The following CAMK2A variants were observed in gnomAD, a reference collection of about 807,000 sequenced individuals.
The protein encoded by CAMK2A is calcium/calmodulin dependent protein kinase II alpha, also known as calcium/calmodulin-dependent protein kinase type II subunit alpha.
CAMK2A carries 7 observed loss-of-function variants against 79.2 expected under a neutral mutation model. The ratio of observed to expected loss-of-function variants is 0.09; its 90% CI spans 0.05 to 0.17. The LOEUF (loss-of-function observed/expected upper bound fraction) is 0.17. Ranked by LOEUF, CAMK2A falls within the 10% of genes least tolerant of loss-of-function variation. The pLI, the probability that CAMK2A is intolerant of heterozygous loss-of-function variation, is 1.00. For synonymous variants in CAMK2A, 242 were observed against 251.7 expected (o/e 0.96, Z 0.36); for missense variants, 214 against 646.4 (o/e 0.33, Z 7.25).
intron 2 of CAMK2A, among the ~76,000 whole-genome samples, chr5:150,268,157 G>GCA (rs1562187503): frequency 7.9e-5 from 12 of 152,110 alleles, no homozygotes; most frequent in Admixed American, 5.2e-4. Context: ...GGATTACCGT[G>GCA]CCCGGACCCA....
At chr5:150,289,840 C>A, upstream of CAMK2A, 1 of 542,836 alleles carries the variant, frequency 1.8e-6, no homozygotes, top group Non-Finnish European at 3.3e-6. Context: ...CCATGGCAAC[C>A]ACCTCCAAAA....
chr5:150,270,219 G>A (rs1282269725), intron 2 of CAMK2A, among the ~76,000 whole-genome samples: 1 of 152,188 alleles, frequency 6.6e-6, no homozygotes, highest in African/African-American at 2.4e-5. Context: ...TTTTAATGCA[G>A]GGGCTTGGGC....
intron 13 of CAMK2A, 134 bp downstream of exon 13, chr5:150,245,027 G>T: frequency 1.2e-6 from 1 of 838,602 alleles, no homozygotes; most frequent in South Asian, 1.7e-5. Context: ...GAGACAGCCT[G>T]GCCACAAATG....
chr5:150,285,583 G>A (rs1029256760), intron 1 of CAMK2A, among the ~76,000 whole-genome samples: 1 of 152,202 alleles, frequency 6.6e-6, no homozygotes, highest in Non-Finnish European at 1.5e-5. Context: ...ACTGCCACCT[G>A]TGGATCAACC....
chr5:150,265,283 G>A (rs951924068), intron 2 of CAMK2A: 9 of 453,712 alleles, frequency 2.0e-5, no homozygotes, highest in African/African-American at 8.0e-5. Flanking sequence ...AGGCTTCTCC[G>A]AGACTCCTCC....
intron 1 of CAMK2A, among the ~76,000 whole-genome samples, chr5:150,280,442 C>T (rs1351506090): frequency 6.6e-6 from 1 of 152,184 alleles, no homozygotes; most frequent in African/African-American, 2.4e-5. Flanking sequence ...AACCGAGAAC[C>T]TTTCTCTCGA....
intron 17 of CAMK2A, 33 bp downstream of exon 17, chr5:150,228,159 C>T (rs373861512): frequency 9.0e-6 from 14 of 1,554,784 alleles, no homozygotes; most frequent in African/African-American, 1.4e-5. Flanking sequence ...CGAGAGCAGA[C>T]AACAGGCACC....
chr5:150,285,827 G>T (rs1460658190), intron 1 of CAMK2A, among the ~76,000 whole-genome samples: 1 of 152,150 alleles, frequency 6.6e-6, no homozygotes, highest in South Asian at 2.1e-4. Context: ...ATACAGCCCA[G>T]TGATGACACA....
At chr5:150,282,541 G>A (rs1334584843) in intron 1 of CAMK2A, among the ~76,000 whole-genome samples, 1 of 152,220 alleles carries the variant, frequency 6.6e-6, no homozygotes, top group African/African-American at 2.4e-5. Context: ...GCGTCAAAGA[G>A]AGAGAGGCCT....
chr5:150,234,033 G>C (rs375481332), intron 15 of CAMK2A, among the ~76,000 whole-genome samples: 2 of 152,124 alleles, frequency 1.3e-5, no homozygotes, highest in Admixed American at 1.3e-4. Flanking sequence ...GGCTGGTCAC[G>C]AGCTCCTGGC....
intron 3 of CAMK2A, among the ~76,000 whole-genome samples, chr5:150,264,444 C>G (rs1007854084): frequency 6.6e-6 from 1 of 152,246 alleles, no homozygotes; most frequent in African/African-American, 2.4e-5. Flanking sequence ...AGCCCATCCC[C>G]ACGGGTTCTG....
chr5:150,255,400 A>G (rs1174637554), intron 6 of CAMK2A, among the ~76,000 whole-genome samples: 2 of 152,258 alleles, frequency 1.3e-5, no homozygotes, highest in African/African-American at 4.8e-5. Context: ...GACCCAGACC[A>G]GTGGAAGCAT....
intron 2 of CAMK2A, among the ~76,000 whole-genome samples, chr5:150,267,982 T>A (rs1310909417): frequency 6.6e-6 from 1 of 151,740 alleles, no homozygotes; most frequent in Non-Finnish European, 1.5e-5. Context: ...TAAGCAATTC[T>A]CCTGCCTCAG....
chr5:150,253,404 G>T, intron 7 of CAMK2A, 40 bp downstream of exon 7: 2 of 1,490,602 alleles, frequency 1.3e-6, no homozygotes, highest in Non-Finnish European at 1.9e-6. Context: ...ACACAAATGG[G>T]TGCTGACCCC....
intron 1 of CAMK2A, among the ~76,000 whole-genome samples, chr5:150,273,412 C>T (rs1380382548): frequency 6.6e-6 from 1 of 152,180 alleles, no homozygotes; most frequent in African/African-American, 2.4e-5. Flanking sequence ...CAAAGTCGGG[C>T]TCATCATGCT....
chr5:150,256,238 T>C lies in CAMK2A; in HGVS notation c.411+335A>G, dbSNP rs962681238. Reference sequence around the variant, plus strand: ...GAAGGTCATGCTACTAAAGGCTGCATGGCTGGAAAGTGGCCTGGTTGAGAT... The same window carrying C: ...GAAGGTCATGCTACTAAAGGCTGCACGGCTGGAAAGTGGCCTGGTTGAGAT... On this transcript the variant is annotated intron_variant, in intron 6 of 18. Transcript: ENST00000671881. This position sits in a 1 kb window ranked among gnomAD's most constrained non-coding sequence, Gnocchi z 4.6. 2.0e-5 allele frequency among the ~76,000 whole-genome samples: 3 copies of C among 152,200 alleles called. No homozygotes were observed. Among genetic ancestry groups the C allele is most frequent in the African/African-American group, 4.8e-5 (2 of 41,444 alleles).
chr5:150,274,919 G>A (rs7349829), intron 1 of CAMK2A, among the ~76,000 whole-genome samples: 237 of 152,342 alleles, frequency 1.6e-3, no homozygotes, highest in Non-Finnish European at 2.8e-3. Flanking sequence ...GGGCAGCTCC[G>A]AGCCCACAAA....
At chr5:150,237,324 G>T (rs1339870306) in intron 15 of CAMK2A, among the ~76,000 whole-genome samples, 2 of 151,702 alleles carry the variant, frequency 1.3e-5, no homozygotes, top group Non-Finnish European at 2.9e-5. Flanking sequence ...AACTGGTACT[G>T]CTGAGTTCCC....
chr5:150,242,842 G>A (rs897273585), intron 13 of CAMK2A, among the ~76,000 whole-genome samples: 11 of 152,182 alleles, frequency 7.2e-5, no homozygotes, highest in African/African-American at 2.2e-4. Context: ...TCCTGGGCCA[G>A]GCCCCCAGGT....
Sources: allele counts gnomAD v4.1 joint callset (sites outside exome capture counted in the v4.1 genomes callset), GRCh38; gene constraint gnomAD v4.1.1; non-coding constraint Gnocchi (gnomAD v3.1); transcripts MANE v1.5; gene names NCBI Gene and HGNC (gene_info 2026-07-23, HGNC 2026-07-21).